The following ASTN2 variants were observed in gnomAD, a reference collection of about 807,000 sequenced individuals.
ASTN2 encodes astrotactin 2.
In ASTN2, 54 loss-of-function variants were observed where a neutral mutation model predicts 139.8. That is an observed-to-expected ratio of 0.39 (90% CI 0.31 to 0.48). The LOEUF (loss-of-function observed/expected upper bound fraction) is 0.48. ASTN2 is among the 20% of genes least tolerant of loss of function. The pLI is 0.95. For synonymous variants in ASTN2, 756 were observed against 719.5 expected (o/e 1.05, Z -0.81); for missense variants, 1,565 against 1,725.1 (o/e 0.91, Z 1.64).
chr9:116,787,020 T>C (rs925777340), intron 13 of ASTN2, among the ~76,000 whole-genome samples: 2 of 152,230 alleles, frequency 1.3e-5, no homozygotes. Flanking sequence ...CCGCCATGAC[T>C]GTAAGTTTCT....
At chr9:116,792,337 G>A (rs1433701553) in intron 13 of ASTN2, among the ~76,000 whole-genome samples, 4 of 152,044 alleles carry the variant, frequency 2.6e-5, no homozygotes, top group Non-Finnish European at 4.4e-5. Flanking sequence ...TGGATTTCTC[G>A]CTACTCTTCC....
intron 10 of ASTN2, among the ~76,000 whole-genome samples, chr9:116,921,291 C>T (rs1341570256): frequency 1.3e-5 from 2 of 152,118 alleles, no homozygotes; most frequent in African/African-American, 4.8e-5. Context: ...TCTCACACTG[C>T]TATAAAGAAC....
Position 116,698,485 on chromosome 9 carries a change from A to C in ASTN2, c.2806+27286T>G. ...GACTACTTCCTGGCCAAGATCAAGC[A>C]GGCAGATGTAGCACTACTGGAGGAG... On this transcript the variant is annotated intron_variant, in intron 16 of 22. Coordinates refer to ENST00000313400, the MANE Select transcript of ASTN2 (RefSeq NM_001365068.1). This position sits in a 1 kb window ranked among gnomAD's most constrained non-coding sequence, Gnocchi z 4.4. The C allele has an allele frequency of 6.2e-7, 1 of 1,613,912 alleles. No homozygotes were observed. Among genetic ancestry groups the C allele is most frequent in the Non-Finnish European group, 8.5e-7 (1 of 1,180,014 alleles).
At chr9:117,350,657 G>A (rs1829360507) in intron 1 of ASTN2, among the ~76,000 whole-genome samples, 1 of 152,122 alleles carries the variant, frequency 6.6e-6, no homozygotes, top group Non-Finnish European at 1.5e-5. Context: ...GAGAGAAAAT[G>A]TGCTCAGAGC....
In ASTN2 at chr9:117,214,640, T is replaced by C; in HGVS notation, c.733A>G (p.Ser245Gly). 1 of 1,577,030 alleles carries C rather than the reference T, an allele frequency of 6.3e-7. No homozygotes were observed. The highest frequency in any genetic ancestry group is 8.7e-7 in the Non-Finnish European group (1 of 1,154,002). Reference sequence around the variant, plus strand: ...TGGATCTCATGAGTGGCTTCTGTGCTTGCGCTCTTCTGGGGGATGCGGCGA... The same window carrying C: ...TGGATCTCATGAGTGGCTTCTGTGCCTGCGCTCTTCTGGGGGATGCGGCGA... Reference protein sequence around the residue: ...KRRRIPQKSASTEATHEIHYI... With the variant: ...KRRRIPQKSAGTEATHEIHYI... Residue 245 changes from serine (S) to glycine (G), a missense_variant, in exon 3 of 23, where the codon AGC (serine) becomes GGC (glycine). Ser to Gly is a moderately conservative substitution (Grantham distance 56). Transcript: ENST00000313400.
intron 1 of ASTN2, among the ~76,000 whole-genome samples, chr9:117,408,421 G>A (rs1480699666): frequency 1.3e-5 from 2 of 152,062 alleles, no homozygotes; most frequent in South Asian, 2.1e-4. Context: ...CATCAAAGTC[G>A]ACGGTTGTGG....
At chr9:116,533,256 T>C (rs1851444565) in intron 19 of ASTN2, among the ~76,000 whole-genome samples, 1 of 152,234 alleles carries the variant, frequency 6.6e-6, no homozygotes, top group African/African-American at 2.4e-5. Context: ...TAAGGGGATT[T>C]TGGGCTGAGA....
chr9:116,517,211 A>G (rs1850687066), intron 19 of ASTN2, among the ~76,000 whole-genome samples: 1 of 152,208 alleles, frequency 6.6e-6, no homozygotes. Context: ...AACGAATACA[A>G]ACCAGCACAC....
At chr9:117,092,942 C>T (rs1828743275) in intron 5 of ASTN2, among the ~76,000 whole-genome samples, 1 of 152,118 alleles carries the variant, frequency 6.6e-6, no homozygotes, top group Non-Finnish European at 1.5e-5. Context: ...ATTCTAGTGT[C>T]ACAGTTAGAC....
At chr9:117,412,228 T>A (rs1831185749) in intron 1 of ASTN2, among the ~76,000 whole-genome samples, 1 of 152,140 alleles carries the variant, frequency 6.6e-6, no homozygotes, top group South Asian at 2.1e-4. Flanking sequence ...CCCAGGGCGC[T>A]AGGGGGAAAA....
chr9:116,646,406 T>C (rs1474577640), intron 17 of ASTN2, among the ~76,000 whole-genome samples: 1 of 152,138 alleles, frequency 6.6e-6, no homozygotes, highest in East Asian at 1.9e-4. Context: ...CCATGTGGCC[T>C]GTAGAGATGA....
chr9:116,795,323 C>T (rs1288112681), intron 13 of ASTN2, among the ~76,000 whole-genome samples: 1 of 152,236 alleles, frequency 6.6e-6, no homozygotes, highest in Non-Finnish European at 1.5e-5. Context: ...GGGAGATTAG[C>T]ACACCACTGC....
intron 1 of ASTN2, among the ~76,000 whole-genome samples, chr9:117,297,464 T>C (rs914726749): frequency 1.2e-4 from 19 of 152,222 alleles, no homozygotes; most frequent in African/African-American, 4.6e-4. Flanking sequence ...CAAAGCTTTA[T>C]CATCTCTCTC....
chr9:117,076,816 G>A (rs1828293304), intron 5 of ASTN2, among the ~76,000 whole-genome samples: 1 of 152,140 alleles, frequency 6.6e-6, no homozygotes, highest in Non-Finnish European at 1.5e-5. Context: ...GCCATAAAGA[G>A]ATAACAACTC....
intron 3 of ASTN2, among the ~76,000 whole-genome samples, chr9:117,189,680 G>A (rs1831296828): frequency 6.6e-6 from 1 of 152,154 alleles, no homozygotes; most frequent in Non-Finnish European, 1.5e-5. Context: ...AAAAGTATTA[G>A]TAAGGTGAAA....
chr9:116,792,062 A>T (rs1407576120), intron 13 of ASTN2, among the ~76,000 whole-genome samples: 4 of 152,122 alleles, frequency 2.6e-5, no homozygotes, highest in Non-Finnish European at 5.9e-5. Flanking sequence ...CATTGAGAAA[A>T]TTTTAAAAAA....
At chr9:116,570,367 C>T (rs894468713) in intron 19 of ASTN2, among the ~76,000 whole-genome samples, 2 of 151,120 alleles carry the variant, frequency 1.3e-5, no homozygotes, top group African/African-American at 4.9e-5. Flanking sequence ...TATTGTTCTA[C>T]AGGTTTTAAC....
chr9:116,975,985 A>T lies in ASTN2; in HGVS notation c.1751+129T>A, dbSNP rs1264691268. The T allele has an allele frequency of 1.5e-5, 12 of 789,680 alleles. No individual in the cohort carries two copies. In the East Asian group the frequency reaches 2.8e-4, roughly 19 times the overall value. 48.9% of individuals were successfully genotyped at this position (789,680 alleles called of 1,614,324 possible). A position where few individuals can be genotyped will look rare whatever the true frequency, so the allele number is the denominator to read the frequency against. On this transcript the variant is annotated intron_variant, in intron 9 of 22. Coordinates refer to ENST00000313400, the MANE Select transcript of ASTN2 (RefSeq NM_001365068.1). ...CCATGATGGTACATTAGTGCCAGGG[A>T]GAGTTCTTTTGTACTCAGTGCAGCT...
intron 13 of ASTN2, among the ~76,000 whole-genome samples, chr9:116,788,318 A>G (rs559171041): frequency 6.6e-6 from 1 of 152,316 alleles, no homozygotes; most frequent in East Asian, 1.9e-4. Context: ...TTTGCTTTGA[A>G]AAGTTTTTTA....
Sources: allele counts gnomAD v4.1 joint callset (sites outside exome capture counted in the v4.1 genomes callset), GRCh38; gene constraint gnomAD v4.1.1; non-coding constraint Gnocchi (gnomAD v3.1); transcripts MANE v1.5; gene names NCBI Gene and HGNC (gene_info 2026-07-23, HGNC 2026-07-21).